PPARGC1A: variants seen among roughly 807,000 people sequenced by gnomAD.
The protein encoded by PPARGC1A is peroxisome proliferator-activated receptor gamma coactivator 1-alpha.
PPARGC1A carries 25 observed loss-of-function variants against 88.7 expected under a neutral mutation model. The ratio of observed to expected loss-of-function variants is 0.28; its 90% CI spans 0.21 to 0.39. The LOEUF is 0.39. Among genes scored for constraint, PPARGC1A ranks in the 10% least tolerant of loss-of-function variants. PPARGC1A has a pLI of 1.00. For synonymous variants in PPARGC1A, 363 were observed against 355.6 expected (o/e 1.02, Z -0.24); for missense variants, 880 against 968.7 (o/e 0.91, Z 1.22).
At chr4:24,254,669 T>C in the PPARGC1A span, among the ~76,000 whole-genome samples, 121,445 of 152,228 alleles carry the variant, frequency 0.8, 48,683 homozygotes, top group East Asian at 0.85. Context: ...GGGCGTGACG[T>C]GAAAGAAGGA....
chr4:24,128,084 A>T, the PPARGC1A span, among the ~76,000 whole-genome samples: 1 of 152,054 alleles, frequency 6.6e-6, no homozygotes, highest in Admixed American at 6.6e-5. Context: ...TCCTCCATAT[A>T]TATCTGCGGA....
chr4:24,278,756 T>C, the PPARGC1A span, among the ~76,000 whole-genome samples: 5 of 152,252 alleles, frequency 3.3e-5, no homozygotes, highest in South Asian at 2.1e-4. Context: ...ATCCCTACAT[T>C]GTGAGCTTTG....
chr4:24,156,555 G>T, the PPARGC1A span, among the ~76,000 whole-genome samples: 1 of 152,126 alleles, frequency 6.6e-6, no homozygotes, highest in Non-Finnish European at 1.5e-5. Context: ...AAGTTCAGCT[G>T]CAGAGTATAT....
At chr4:24,437,594 TTTGTTGTTGTTGTTG>T in the PPARGC1A span, among the ~76,000 whole-genome samples, 3,056 of 143,830 alleles carry the variant, frequency 0.021, 109 homozygotes, top group African/African-American at 0.073. Flanking sequence ...GCACAGGTTT[TTTGTTGTTGTTGTTG>T]TTGTTGTTGT....
the PPARGC1A span, among the ~76,000 whole-genome samples, chr4:24,233,138 T>G: frequency 6.6e-6 from 1 of 152,184 alleles, no homozygotes; most frequent in Admixed American, 6.5e-5. Flanking sequence ...TTTTGGAATT[T>G]GTAAGAACAA....
chr4:24,072,074 C>T, the PPARGC1A span, among the ~76,000 whole-genome samples: 1 of 149,612 alleles, frequency 6.7e-6, no homozygotes, highest in South Asian at 2.1e-4. Flanking sequence ...GCCATAGGAC[C>T]ATTGTTTCCT....
intron 2 of PPARGC1A, among the ~76,000 whole-genome samples, chr4:23,853,661 A>C (rs1028416466): frequency 6.6e-6 from 1 of 152,216 alleles, no homozygotes; most frequent in Non-Finnish European, 1.5e-5. Flanking sequence ...GAATATTAAG[A>C]CAATAACAAC....
the PPARGC1A span, among the ~76,000 whole-genome samples, chr4:24,043,977 G>T: frequency 6.6e-6 from 1 of 152,188 alleles, no homozygotes; most frequent in Non-Finnish European, 1.5e-5. Context: ...AGAGCCAGTG[G>T]TTTTGGCTTC....
At chr4:24,123,478 G>A in the PPARGC1A span, among the ~76,000 whole-genome samples, 15 of 152,150 alleles carry the variant, frequency 9.9e-5, no homozygotes, top group Non-Finnish European at 1.9e-4. Flanking sequence ...ATAGTAGCAT[G>A]GATAGAGTGT....
At chr4:23,915,290 C>A in the PPARGC1A span, among the ~76,000 whole-genome samples, 1 of 152,044 alleles carries the variant, frequency 6.6e-6, no homozygotes, top group Non-Finnish European at 1.5e-5. Flanking sequence ...GAAGTAAATG[C>A]TAGAACATAC....
At chr4:24,383,384 T>C in the PPARGC1A span, among the ~76,000 whole-genome samples, 2 of 152,102 alleles carry the variant, frequency 1.3e-5, no homozygotes, top group East Asian at 1.9e-4. Context: ...GTTTGACCAA[T>C]TGACAGAAGT....
chr4:24,436,925 C>T, the PPARGC1A span, among the ~76,000 whole-genome samples: 1 of 152,234 alleles, frequency 6.6e-6, no homozygotes, highest in Non-Finnish European at 1.5e-5. Flanking sequence ...CGATTGGCCA[C>T]CCCAGAGCCC....
the PPARGC1A span, among the ~76,000 whole-genome samples, chr4:24,298,034 C>T: frequency 1.1e-4 from 17 of 152,214 alleles, no homozygotes; most frequent in South Asian, 3.5e-3. Context: ...ATAACAGAAA[C>T]TGATAGATCC....
At chr4:23,930,462 T>C in the PPARGC1A span, among the ~76,000 whole-genome samples, 47 of 152,342 alleles carry the variant, frequency 3.1e-4, no homozygotes, top group African/African-American at 1.1e-3. Flanking sequence ...CACGGTTCTC[T>C]AATATCTTAA....
At chr4:24,407,066 C>T in the PPARGC1A span, among the ~76,000 whole-genome samples, 1 of 152,160 alleles carries the variant, frequency 6.6e-6, no homozygotes, top group Non-Finnish European at 1.5e-5. Flanking sequence ...CACCACCAGA[C>T]ATGCATGTAT....
chr4:23,999,846 G>A, the PPARGC1A span, among the ~76,000 whole-genome samples: 2 of 152,140 alleles, frequency 1.3e-5, no homozygotes, highest in Admixed American at 6.6e-5. Context: ...CCTCTGGAAT[G>A]AGGACAGTTG....
At chr4:24,339,237 T>TATAC in the PPARGC1A span, among the ~76,000 whole-genome samples, 1,519 of 103,942 alleles carry the variant, frequency 0.015, 31 homozygotes, top group Non-Finnish European at 0.023. Context: ...TATATATATA[T>TATAC]ACACACACAC....
At chr4:24,035,955 C>A in the PPARGC1A span, among the ~76,000 whole-genome samples, 2 of 152,140 alleles carry the variant, frequency 1.3e-5, no homozygotes, top group Non-Finnish European at 2.9e-5. Context: ...AGAATAGCTA[C>A]GTGTTTACTT....
At chr4:24,103,839 G>A in the PPARGC1A span, among the ~76,000 whole-genome samples, 2 of 152,216 alleles carry the variant, frequency 1.3e-5, no homozygotes, top group African/African-American at 2.4e-5. Flanking sequence ...CCCACTTAAC[G>A]TTTTCTCCAA....
Sources: gnomAD v4.1 joint callset for allele counts (sites outside exome capture counted in the v4.1 genomes callset) on GRCh38, gnomAD v4.1.1 for gene constraint, MANE v1.5 for transcripts, NCBI Gene and HGNC (gene_info 2026-07-23, HGNC 2026-07-21) for gene names.